Variants in WDR77 observed in about 807,000 individuals in gnomAD.
The protein encoded by WDR77 is methylosome protein WDR77.
In WDR77, 31 loss-of-function variants were observed where a neutral mutation model predicts 44.0. The observed-to-expected ratio is 0.70, with a 90% CI of 0.53 to 0.95. The LOEUF (loss-of-function observed/expected upper bound fraction) is 0.95. WDR77 is among the 40% of genes least tolerant of loss of function. The pLI, the probability that WDR77 is intolerant of heterozygous loss-of-function variation, is 0.00. For missense variants in WDR77, 390 were observed against 423.9 expected (o/e 0.92, Z 0.70); for synonymous variants, 186 against 165.7 (o/e 1.12, Z -0.94).
At chr1:111,446,246 T>G (rs150417627) in intron 4 of WDR77, among the ~76,000 whole-genome samples, 2 of 152,282 alleles carry the variant, frequency 1.3e-5, no homozygotes, top group African/African-American at 2.4e-5. Flanking sequence ...TCCCCCAGCA[T>G]CTAAACCTTG....
intron 4 of WDR77, among the ~76,000 whole-genome samples, chr1:111,446,065 CA>C (rs1653016318): frequency 6.6e-6 from 1 of 152,252 alleles, no homozygotes; most frequent in African/African-American, 2.4e-5. Context: ...AGCCACTGCG[CA>C]CAGCTGGGCA....
chr1:111,442,660 G>A lies in WDR77; in HGVS notation c.793C>T (p.Pro265Ser), dbSNP rs1422230350. 6.4e-7 allele frequency: 1 copy of A among 1,574,274 alleles called. No individual in the cohort carries two copies. The highest frequency in any genetic ancestry group is 8.7e-7 in the Non-Finnish European group (1 of 1,154,974). Residue 265 changes from proline (P) to serine (S), a missense_variant, in exon 8 of 10, where the codon CCA (proline) becomes TCA (serine). Transcript: ENST00000235090. ...GATGACAAAGAACAGTACCTGTGTG[G>A]GGAGAACACCAGCCCAGTGACACAC... ...SQCVTGLVFS[P>S]HSVPFLASLS...
intron 4 of WDR77, among the ~76,000 whole-genome samples, 161 bp from the exon 5 acceptor site, chr1:111,444,285 G>C (rs1417824066): frequency 6.6e-6 from 1 of 151,876 alleles, no homozygotes; most frequent in East Asian, 1.9e-4. Flanking sequence ...AAAGCTAAGA[G>C]GAGAAGTTTA....
chr1:111,448,177 T>G (rs1398111343), intron 2 of WDR77, among the ~76,000 whole-genome samples: 1 of 143,760 alleles, frequency 7.0e-6, no homozygotes, highest in African/African-American at 2.8e-5. Flanking sequence ...ACTTCCAAAT[T>G]CTGATTTTAA....
intron 3 of WDR77, 132 bp from the exon 4 acceptor site, chr1:111,447,276 AC>A: frequency 6.8e-7 from 1 of 1,461,710 alleles, no homozygotes; most frequent in Non-Finnish European, 9.4e-7. Flanking sequence ...TGGTCTACTT[AC>A]GATGGACTGC....
At chr1:111,442,160 C>G in intron 8 of WDR77, 67 bp from the exon 9 acceptor site, 1 of 1,488,720 alleles carries the variant, frequency 6.7e-7, no homozygotes. Context: ...TTAACTGGGC[C>G]GGCCCTGCCG....
chr1:111,442,102 T>A lies in WDR77; in HGVS notation c.801-9A>T. The A allele has an allele frequency of 6.2e-7, 1 of 1,613,466 alleles. No individual in the cohort carries two copies. Among genetic ancestry groups the A allele is most frequent in the South Asian group, 1.1e-5 (1 of 91,076 alleles). On this transcript the variant is annotated splice_polypyrimidine_tract_variant and intron_variant, in intron 8 of 9. Transcript: ENST00000235090. ...AGGCCAGGAAGGGAACACTATCAGA[T>A]GGAGGAGAGGGTTGTGAAAGGTCCA...
At position 111,441,151 on chromosome 1, in the gene WDR77, T is replaced by C. The variant is rs75594289; in HGVS notation, c.*79A>G. 9.7e-6 allele frequency: 13 copies of C among 1,345,882 alleles called. No individual in the cohort carries two copies. Among genetic ancestry groups the C allele is most frequent in the Middle Eastern group, 2.7e-4 (1 of 3,706 alleles). The allele number at this position is 1,345,882 out of a possible 1,614,324, so 83.4% of individuals were successfully genotyped here. ...ATATCAACATACTATAGAAGGCTCC[T>C]GTGTTGTCTCACAAGCTGAGAGGGC... is the stretch of plus-strand genomic sequence containing the variant. On this transcript the variant is annotated 3_prime_UTR_variant, in exon 10 of 10. Transcript: ENST00000235090.
Position 111,442,089 on chromosome 1 carries a change from G to C in WDR77, c.805C>G (p.Pro269Ala), listed in dbSNP as rs1427950352. 6.2e-7 allele frequency: 1 copy of C among 1,613,954 alleles called. No individual in the cohort carries two copies. Among genetic ancestry groups the C allele is most frequent in the East Asian group, 2.2e-5 (1 of 44,892 alleles). ...TCTTCACTGAGAGAGGCCAGGAAGG[G>C]AACACTATCAGATGGAGGAGAGGGT... ...TGLVFSPHSV[P>A]FLASLSEDCS... Residue 269 changes from proline to alanine, a missense_variant, in exon 9 of 10, where the codon CCC (proline) becomes GCC (alanine). By Grantham distance (27) the Pro-to-Ala change is conservative. Coordinates refer to ENST00000235090, the MANE Select transcript of WDR77 (RefSeq NM_024102.4).
intron 6 of WDR77, 138 bp downstream of exon 6, chr1:111,443,729 G>C (rs1652908220): frequency 4.7e-6 from 7 of 1,496,758 alleles, no homozygotes; most frequent in Non-Finnish European, 6.2e-6. Flanking sequence ...AGCCTCACTG[G>C]AAAAGAAGGA....
At chr1:111,443,832 A>G (rs1321200260) in intron 6 of WDR77, 35 bp downstream of exon 6, 4 of 1,613,898 alleles carry the variant, frequency 2.5e-6, no homozygotes, top group Admixed American at 1.7e-5. Flanking sequence ...CAGGGTTCCA[A>G]GTACTATTCT....
chr1:111,449,247 G>C lies in WDR77; in HGVS notation c.-78C>G, dbSNP rs1025546825. 1 of 1,536,450 alleles carries C rather than the reference G, an allele frequency of 6.5e-7. No individual in the cohort carries two copies. The highest frequency in any genetic ancestry group is 1.2e-5 in the South Asian group (1 of 84,112). On this transcript the variant is annotated 5_prime_UTR_variant, in exon 1 of 10. Coordinates refer to ENST00000235090, the MANE Select transcript of WDR77 (RefSeq NM_024102.4). ...CCGCTCCGGCAGCAAACCCCACGTG[G>C]TGCACCTCTGAGCCTCCGCCCCTCT...
chr1:111,441,320 A>G lies in WDR77; in HGVS notation c.939T>C (p.Leu313=), dbSNP rs1220469490. ...ATWSPLNHSL[L]TTVGWDHQVV... is the part of the protein sequence containing the mutation. ...CCTGATGGTCCCAGCCCACTGTGGT[A>G]AGCAGGGAGTGATTGAGCGGGGACC... Residue 313 remains leucine, a synonymous_variant, in exon 10 of 10, where the codon CTT becomes CTC. Coordinates refer to ENST00000235090, the MANE Select transcript of WDR77 (RefSeq NM_024102.4). The G allele has an allele frequency of 1.9e-6, 3 of 1,585,390 alleles. No homozygotes were observed. Among genetic ancestry groups the G allele is most frequent in the Non-Finnish European group, 2.6e-6 (3 of 1,163,586 alleles).
chr1:111,444,322 G>T (rs1652934137), intron 4 of WDR77, among the ~76,000 whole-genome samples, 198 bp from the exon 5 acceptor site: 3 of 151,256 alleles, frequency 2.0e-5, no homozygotes, highest in Admixed American at 1.3e-4. Context: ...AAAAAGCCTT[G>T]TAAAAAAAAA....
chr1:111,449,219 ACT>A lies in WDR77; in HGVS notation c.-52_-51del. 1.3e-6 allele frequency: 2 copies of A among 1,536,532 alleles called. No homozygotes were observed. The highest frequency in any genetic ancestry group is 1.2e-5 in the South Asian group (1 of 84,360). ...GACTCAAACTGGACGCCGGCCGGAG[ACT>A]CCGCTCCGGCAGCAAACCCCACGTG... is the stretch of plus-strand genomic sequence containing the variant. On this transcript the variant is annotated 5_prime_UTR_variant, in exon 1 of 10. Coordinates refer to ENST00000235090, the MANE Select transcript of WDR77 (RefSeq NM_024102.4).
intron 4 of WDR77, among the ~76,000 whole-genome samples, chr1:111,444,352 G>C (rs181822941): frequency 2.0e-5 from 3 of 151,852 alleles, no homozygotes; most frequent in Non-Finnish European, 4.4e-5. Context: ...TGAAGATAAT[G>C]AATGAGAAAT....
intron 6 of WDR77, chr1:111,443,620 C>G (rs1571366211): frequency 2.0e-6 from 2 of 980,726 alleles, no homozygotes; most frequent in Admixed American, 1.2e-4. Context: ...ATGACGATAA[C>G]AATTCTGGCC....
rs1481247362 is a variant in WDR77, at chr1:111,439,999, G to A, written c.*1231C>T. 6.6e-6 allele frequency: 1 copy of A among 152,602 alleles called. No individual in the cohort carries two copies. Among genetic ancestry groups the A allele is most frequent in the Non-Finnish European group, 1.5e-5 (1 of 68,036 alleles). The allele number at this position is 152,602 out of a possible 1,614,324, so 9.5% of individuals were successfully genotyped here. ...CTTCAGACTTTCCCAGTTTCATAAT[G>A]TGATTTTTACCTAAATTGAACCTGC... On this transcript the variant is annotated 3_prime_UTR_variant, in exon 10 of 10. Coordinates refer to ENST00000235090, the MANE Select transcript of WDR77 (RefSeq NM_024102.4).
chr1:111,442,999 G>A (rs1298100769), intron 7 of WDR77, among the ~76,000 whole-genome samples: 4 of 152,108 alleles, frequency 2.6e-5, no homozygotes, highest in African/African-American at 7.2e-5. Flanking sequence ...CCACGATAGC[G>A]CTACACCTAC....
Sources: gnomAD v4.1 joint callset for allele counts (sites outside exome capture counted in the v4.1 genomes callset) on GRCh38, gnomAD v4.1.1 for gene constraint, MANE v1.5 for transcripts, NCBI Gene and HGNC (gene_info 2026-07-23, HGNC 2026-07-21) for gene names.